Variants in CDH19 observed in about 807,000 individuals in gnomAD.
CDH19 encodes the protein cadherin-19.
Under a neutral mutation model 64.2 loss-of-function variants are expected in CDH19, and 67 were observed. That is an observed-to-expected ratio of 1.04 (90% CI 0.86 to 1.28). The LOEUF is 1.28. Among genes scored for constraint, CDH19 ranks in the 50% most tolerant of loss-of-function variants. CDH19 has a pLI of 0.00. For synonymous variants in CDH19, 346 were observed against 319.3 expected (o/e 1.08, Z -0.89); for missense variants, 1,030 against 929.0 (o/e 1.11, Z -1.41).
At chr18:66,591,266 A>C (rs1988735941) in intron 1 of CDH19, among the ~76,000 whole-genome samples, 1 of 151,948 alleles carries the variant, frequency 6.6e-6, no homozygotes, top group Non-Finnish European at 1.5e-5. Flanking sequence ...GATTTATTTA[A>C]ATACTTATAA....
intron 1 of CDH19, among the ~76,000 whole-genome samples, chr18:66,599,639 T>C (rs1010584432): frequency 6.6e-6 from 1 of 152,072 alleles, no homozygotes; most frequent in African/African-American, 2.4e-5. Context: ...TTTTCATGAA[T>C]TCTAACATCA....
chr18:66,543,077 G>C (rs1014835966), intron 7 of CDH19, among the ~76,000 whole-genome samples: 1 of 152,178 alleles, frequency 6.6e-6, no homozygotes, highest in African/African-American at 2.4e-5. Context: ...CCAGGCCGGA[G>C]TGCAGTGGTG....
chr18:66,570,216 T>A lies in CDH19; in HGVS notation c.196-1506A>T, dbSNP rs1352162174. 2.6e-5 allele frequency among the ~76,000 whole-genome samples: 4 copies of A among 151,584 alleles called. No individual in the cohort carries two copies. In the Admixed American group the frequency reaches 2.6e-4, roughly 10 times the overall value. ...ATTTGATATTATAATGAAGATAAAT[T>A]AAGTTTAGTAATAAGTAAATATATT... On this transcript the variant is annotated intron_variant, in intron 2 of 11. Coordinates refer to ENST00000262150, the MANE Select transcript of CDH19 (RefSeq NM_021153.4).
At chr18:66,532,731 A>G (rs767865238) in intron 8 of CDH19, 1 of 451,874 alleles carries the variant, frequency 2.2e-6, no homozygotes, top group South Asian at 1.6e-5. Context: ...GGGGAAGGAT[A>G]GGAGACTCAT....
At chr18:66,541,276 A>G (rs1434267085) in intron 7 of CDH19, among the ~76,000 whole-genome samples, 1 of 152,156 alleles carries the variant, frequency 6.6e-6, no homozygotes, top group Non-Finnish European at 1.5e-5. Context: ...CTAATTTACT[A>G]TGTTTAATAT....
At chr18:66,515,931 G>C (rs2144363030) in intron 9 of CDH19, among the ~76,000 whole-genome samples, 1 of 151,944 alleles carries the variant, frequency 6.6e-6, no homozygotes, top group East Asian at 1.9e-4. Flanking sequence ...TGTCACCACT[G>C]TTCACATTCT....
intron 5 of CDH19, among the ~76,000 whole-genome samples, chr18:66,548,127 TTA>T (rs1248720850): frequency 6.9e-6 from 1 of 144,628 alleles, no homozygotes; most frequent in Non-Finnish European, 1.5e-5. Context: ...ATATTATATA[TTA>T]TATATAATAT....
intron 8 of CDH19, chr18:66,532,478 C>A: frequency 7.6e-6 from 1 of 131,170 alleles, no homozygotes; most frequent in Non-Finnish European, 1.5e-5. Context: ...TTCCTTTTCT[C>A]AGAGCATTCA....
chr18:66,537,335 G>T (rs1598992217), intron 7 of CDH19, among the ~76,000 whole-genome samples: 1 of 151,924 alleles, frequency 6.6e-6, no homozygotes, highest in African/African-American at 2.4e-5. Flanking sequence ...CTCTCAATTT[G>T]GGTTTGTCTG....
At position 66,551,109 on chromosome 18, in the gene CDH19, G is replaced by A. The variant is rs765230191; in HGVS notation, c.760C>T (p.Pro254Ser). Residue 254 changes from proline to serine, a missense_variant, in exon 5 of 12, where the codon CCT becomes TCT. By Grantham distance (74) the Pro-to-Ser change is moderately conservative. Coordinates refer to ENST00000262150, the MANE Select transcript of CDH19 (RefSeq NM_021153.4). ...IKLSDVNDNK[P>S]IFKESLYRLT... ...TTTTACTTACTTTCTTTAAATATAGGCTTATTGTCATTAACATCTGAAAGT... is the reference window on the plus strand; with the variant it reads ...TTTTACTTACTTTCTTTAAATATAGACTTATTGTCATTAACATCTGAAAGT... 3.1e-6 allele frequency: 5 copies of A among 1,588,614 alleles called. No homozygotes were observed. The South Asian group carries it at 4.4e-5, about 14-fold the overall frequency.
At chr18:66,594,564 A>G (rs1988830711) in intron 1 of CDH19, among the ~76,000 whole-genome samples, 1 of 152,058 alleles carries the variant, frequency 6.6e-6, no homozygotes, top group Admixed American at 6.6e-5. Flanking sequence ...TACGAATCAC[A>G]GTCTTGGAAC....
chr18:66,564,549 G>A (rs1295389799), intron 3 of CDH19, among the ~76,000 whole-genome samples: 1 of 151,776 alleles, frequency 6.6e-6, no homozygotes, highest in African/African-American at 2.4e-5. Context: ...CTTTTTACTA[G>A]ACAATATATT....
At chr18:66,526,575 T>C (rs1986228976) in intron 9 of CDH19, among the ~76,000 whole-genome samples, 1 of 152,134 alleles carries the variant, frequency 6.6e-6, no homozygotes, top group Non-Finnish European at 1.5e-5. Context: ...AATGACTATG[T>C]GGGTATGTAG....
chr18:66,510,307 C>A (rs1026990641), intron 10 of CDH19, among the ~76,000 whole-genome samples: 1 of 151,488 alleles, frequency 6.6e-6, no homozygotes, highest in Non-Finnish European at 1.5e-5. Context: ...AGACAGTTGA[C>A]ACTTTTTAAA....
chr18:66,506,235 A>G (rs1985192117), intron 11 of CDH19, among the ~76,000 whole-genome samples: 1 of 151,992 alleles, frequency 6.6e-6, no homozygotes, highest in African/African-American at 2.4e-5. Context: ...GACAGGAGGA[A>G]TAAGTTCTGG....
chr18:66,529,935 C>G lies in CDH19; in HGVS notation c.1368G>C (p.Leu456=), dbSNP rs751706222. The G allele has an allele frequency of 5.8e-6, 9 of 1,562,478 alleles. No homozygotes were observed. The highest frequency in any genetic ancestry group is 3.4e-5 in the South Asian group (3 of 87,550). The change falls in exon 9 of 12, where the codon CTG becomes CTC. Residue 456 remains leucine (L), a synonymous_variant. Transcript: ENST00000262150. The part of the protein sequence containing the change: ...YNIEQISSIP[L]YVQVLNINDH... ...CATTGATGTTAAGAACTTGCACATA[C>G]AGTGGGATCGAAGAGATCTGTTCTA...
At chr18:66,599,507 G>A (rs906449003) in intron 1 of CDH19, among the ~76,000 whole-genome samples, 1 of 152,048 alleles carries the variant, frequency 6.6e-6, no homozygotes, top group African/African-American at 2.4e-5. Flanking sequence ...ACAGTTAATA[G>A]TAGAGTATTC....
At chr18:66,599,000 G>A (rs549683931) in intron 1 of CDH19, among the ~76,000 whole-genome samples, 32 of 152,092 alleles carry the variant, frequency 2.1e-4, no homozygotes, top group African/African-American at 7.0e-4. Context: ...GTTTCAAATT[G>A]TATAATATAA....
chr18:66,540,515 A>G (rs1204161424), intron 7 of CDH19, among the ~76,000 whole-genome samples: 1 of 152,174 alleles, frequency 6.6e-6, no homozygotes, highest in Non-Finnish European at 1.5e-5. Context: ...TCACATTTCT[A>G]GAGGCTGGAA....
Sources: gnomAD v4.1 joint callset for allele counts (sites outside exome capture counted in the v4.1 genomes callset) on GRCh38, gnomAD v4.1.1 for gene constraint, MANE v1.5 for transcripts, NCBI Gene and HGNC (gene_info 2026-07-23, HGNC 2026-07-21) for gene names.